The following ABHD3 variants were observed in gnomAD, a reference collection of about 807,000 sequenced individuals.
ABHD3 encodes phospholipase ABHD3.
A neutral mutation model predicts 48.8 loss-of-function variants in ABHD3; 46 were observed. The observed-to-expected ratio is 0.94, with a 90% CI of 0.74 to 1.20. The LOEUF (loss-of-function observed/expected upper bound fraction) is 1.20. Among genes scored for constraint, ABHD3 ranks in the 50% most tolerant of loss-of-function variants. ABHD3 has a pLI of 0.00. For synonymous variants in ABHD3, 192 were observed against 183.7 expected, an observed-to-expected ratio of 1.04 and a Z score of -0.36; for missense variants, 490 against 497.8, an observed-to-expected ratio of 0.98 and a Z score of 0.15.
chr18:21,670,990 G>A (rs2039745164), intron 4 of ABHD3, among the ~76,000 whole-genome samples: 1 of 152,046 alleles, frequency 6.6e-6, no homozygotes, highest in Admixed American at 6.6e-5. Flanking sequence ...CTCCAGCCTG[G>A]GTGACAGAGT....
At chr18:21,681,646 G>A (rs2040007118) in intron 4 of ABHD3, among the ~76,000 whole-genome samples, 1 of 152,042 alleles carries the variant, frequency 6.6e-6, no homozygotes, top group Non-Finnish European at 1.5e-5. Context: ...TCAATACCAG[G>A]TTCTTAGGAG....
rs748920944 is a variant in ABHD3, at chr18:21,703,682, A to G, written c.228T>C (p.Val76=). ...SRFLQDHCPV[V]TETYYPTVWC... Reference sequence around the variant, plus strand: ...AGACCGTCGGGTAGTACGTTTCTGTAACCACGGGACAGTGGTCTTGAAGGA... The same window carrying G: ...AGACCGTCGGGTAGTACGTTTCTGTGACCACGGGACAGTGGTCTTGAAGGA... Residue 76 remains valine (V), a synonymous_variant, in exon 2 of 9, where the codon GTT becomes GTC. Coordinates refer to ENST00000289119, the MANE Select transcript of ABHD3 (RefSeq NM_138340.5). 6.2e-7 allele frequency: 1 copy of G among 1,614,076 alleles called. No individual in the cohort carries two copies. The highest frequency in any genetic ancestry group is 8.5e-7 in the Non-Finnish European group (1 of 1,179,998).
chr18:21,682,334 G>A (rs2040022517), intron 4 of ABHD3: 1 of 152,150 alleles, frequency 6.6e-6, no homozygotes, highest in Non-Finnish European at 1.5e-5. Context: ...TCTTTGCGCT[G>A]AGAGAGCCTC....
chr18:21,697,139 G>C (rs564119787), intron 3 of ABHD3, among the ~76,000 whole-genome samples: 2 of 149,124 alleles, frequency 1.3e-5, no homozygotes, highest in African/African-American at 5.0e-5. Flanking sequence ...GCAGTGGTGC[G>C]ATCTCGGATT....
In ABHD3 at chr18:21,702,433, G is replaced by C. The variant is rs141490699; in HGVS notation, c.392C>G (p.Thr131Arg). The C allele has an allele frequency of 2.5e-6, 4 of 1,613,446 alleles. No individual in the cohort carries two copies. Among genetic ancestry groups the C allele is most frequent in the Non-Finnish European group, 3.4e-6 (4 of 1,179,660 alleles). Residue 131 changes from threonine to arginine, a missense_variant, in exon 3 of 9, where the codon ACG becomes AGG. By Grantham distance (71) the Thr-to-Arg change is moderately conservative. Coordinates refer to ENST00000289119, the MANE Select transcript of ABHD3 (RefSeq NM_138340.5). ...TCTGGTGCTGGCATCCATATAACAC[G>C]TACTGTTATCATTATCAAACCAGTC... ...SLDWFDNDNS[T>R]CYMDASTRPT...
chr18:21,673,010 C>T (rs1314648979), intron 4 of ABHD3, among the ~76,000 whole-genome samples: 7 of 152,196 alleles, frequency 4.6e-5, no homozygotes, highest in Non-Finnish European at 1.0e-4. Context: ...CGTGCATGCT[C>T]ATGATGTCAG....
intron 3 of ABHD3, among the ~76,000 whole-genome samples, chr18:21,690,922 G>C (rs2146327376): frequency 6.7e-6 from 1 of 149,782 alleles, no homozygotes; most frequent in Non-Finnish European, 1.5e-5. Flanking sequence ...TGGAACCTGG[G>C]AGAAGGAGGT....
At chr18:21,668,881 G>A (rs1186614970) in intron 4 of ABHD3, among the ~76,000 whole-genome samples, 4 of 152,020 alleles carry the variant, frequency 2.6e-5, no homozygotes, top group Admixed American at 6.6e-5. Context: ...TAGTATAGCC[G>A]TATAGCCCCA....
intron 2 of ABHD3, among the ~76,000 whole-genome samples, chr18:21,703,225 C>CG (rs1264724378): frequency 7.6e-6 from 1 of 130,914 alleles, no homozygotes; most frequent in African/African-American, 2.8e-5. Flanking sequence ...CCCACCCCCC[C>CG]CCCCAGTATC....
chr18:21,659,292 C>T lies in ABHD3; in HGVS notation c.720G>A (p.Met240Ile), dbSNP rs1047500664. 2.2e-5 allele frequency: 36 copies of T among 1,613,218 alleles called. No homozygotes were observed. The highest frequency in any genetic ancestry group is 2.8e-5 in the Non-Finnish European group (33 of 1,179,750). The change falls in exon 6 of 9, where the codon ATG (methionine) becomes ATA (isoleucine). Residue 240 changes from methionine (M) to isoleucine (I), a missense_variant. Coordinates refer to ENST00000289119, the MANE Select transcript of ABHD3 (RefSeq NM_138340.5). ...LGKIGSKTPL[M>I]AAATFSVGWN... is the part of the protein sequence containing the mutation. The stretch of plus-strand genomic sequence containing the variant: ...AACCAACGGAAAAAGTTGCAGCTGC[C>T]ATCAAAGGCGTTTTGGACCCAATTT...
chr18:21,688,581 A>C (rs1006882516), intron 3 of ABHD3, among the ~76,000 whole-genome samples: 5 of 152,344 alleles, frequency 3.3e-5, no homozygotes, highest in East Asian at 1.9e-4. Context: ...GGAGGGTACA[A>C]TCTAGTTAGA....
chr18:21,677,109 T>C (rs2039899941), intron 4 of ABHD3, among the ~76,000 whole-genome samples: 1 of 152,210 alleles, frequency 6.6e-6, no homozygotes, highest in Non-Finnish European at 1.5e-5. Context: ...ATATTTCATA[T>C]AAATGGACTC....
intron 4 of ABHD3, 32 bp downstream of exon 4, chr18:21,683,888 A>C: frequency 1.9e-6 from 3 of 1,553,186 alleles, no homozygotes; most frequent in Middle Eastern, 1.7e-4. Flanking sequence ...TTCTTTAAAA[A>C]GTTAAGACTG....
intron 4 of ABHD3, among the ~76,000 whole-genome samples, chr18:21,683,269 A>G (rs1418272044): frequency 6.6e-6 from 1 of 152,194 alleles, no homozygotes; most frequent in Admixed American, 6.5e-5. Context: ...GATCAGATAG[A>G]GTGATTTTCT....
At chr18:21,678,345 A>C (rs1482018144) in intron 4 of ABHD3, among the ~76,000 whole-genome samples, 1 of 152,200 alleles carries the variant, frequency 6.6e-6, no homozygotes, top group Non-Finnish European at 1.5e-5. Flanking sequence ...AGGAACTGCC[A>C]GACTATTTTC....
Position 21,657,136 on chromosome 18 carries a change from C to T in ABHD3, c.859G>A (p.Val287Ile). The change falls in exon 7 of 9, where the codon GTA becomes ATA. Residue 287 changes from valine to isoleucine, a missense_variant. Coordinates refer to ENST00000289119, the MANE Select transcript of ABHD3 (RefSeq NM_138340.5). ...ACATGATCCATATCAACTTGTTTTA[C>T]AAACATATGTCGGTGCCTGGAACAA... Reference protein sequence around the residue: ...SSVNKHRHMFVKQVDMDHVMK... With the variant: ...SSVNKHRHMFIKQVDMDHVMK... 6.2e-7 allele frequency: 1 copy of T among 1,610,888 alleles called. No individual in the cohort carries two copies. The highest frequency in any genetic ancestry group is 1.1e-5 in the South Asian group (1 of 90,816).
At chr18:21,660,137 A>C (rs1172105458) in intron 5 of ABHD3, among the ~76,000 whole-genome samples, 1 of 147,984 alleles carries the variant, frequency 6.8e-6, no homozygotes, top group African/African-American at 2.6e-5. Flanking sequence ...AATTAAAAAA[A>C]AAAAAAAAAA....
chr18:21,676,445 C>T (rs1402910547), intron 4 of ABHD3, among the ~76,000 whole-genome samples: 1 of 152,198 alleles, frequency 6.6e-6, no homozygotes, highest in African/African-American at 2.4e-5. Context: ...AGGCTACACA[C>T]AGTGGTGTGA....
intron 8 of ABHD3, among the ~76,000 whole-genome samples, chr18:21,656,250 T>C (rs999673826): frequency 8.5e-5 from 13 of 152,102 alleles, no homozygotes; most frequent in African/African-American, 2.4e-4. Context: ...TCATAGCTCA[T>C]TGCAGCCTCA....
Sources: gnomAD v4.1 joint callset for allele counts (sites outside exome capture counted in the v4.1 genomes callset) on GRCh38, gnomAD v4.1.1 for gene constraint, MANE v1.5 for transcripts, NCBI Gene and HGNC (gene_info 2026-07-23, HGNC 2026-07-21) for gene names.